PASD1: variants seen among roughly 807,000 people sequenced by gnomAD.
The protein encoded by PASD1 is circadian clock protein PASD1.
Under a neutral mutation model 58.8 loss-of-function variants are expected in PASD1, and 13 were observed. The ratio of observed to expected loss-of-function variants is 0.22; its 90% CI spans 0.14 to 0.35. The LOEUF (loss-of-function observed/expected upper bound fraction) is 0.35. Among genes scored for constraint, PASD1 ranks in the 10% least tolerant of loss-of-function variants. PASD1 has a pLI of 1.00. For synonymous variants in PASD1, 236 were observed against 216.7 expected (o/e 1.09, Z -0.78); for missense variants, 734 against 568.3 (o/e 1.29, Z -2.96).
At chrX:151,657,742 T>C (rs1363470453) in intron 9 of PASD1, among the ~76,000 whole-genome samples, 1 of 111,468 alleles carries the variant, frequency 9.0e-6, no homozygotes, top group Non-Finnish European at 1.9e-5. Context: ...TGTTAGATTC[T>C]TCTCTCTTTT....
chrX:151,650,934 G>A (rs1413249545), intron 9 of PASD1, among the ~76,000 whole-genome samples: 1 of 111,497 alleles, frequency 9.0e-6, no homozygotes, highest in African/African-American at 3.3e-5. Context: ...AGAGAAGAGA[G>A]AGCTGCATGG....
rs977493196 is a variant in PASD1 at position 151,621,555 on chromosome X, C to T, written c.381C>T (p.Asn127=). Residue 127 remains asparagine, a synonymous_variant, in exon 6 of 16, where the codon AAC becomes AAT. Coordinates refer to ENST00000370357, the MANE Select transcript of PASD1 (RefSeq NM_173493.3). ...ATGGTGATAGTTCTGCTTACGAAAA[C>T]GTGAAATTTATTGTGAATGTAAGAG... ...VEHGDSSAYE[N]VKFIVNVRDI... The T allele has an allele frequency of 1.2e-5, 14 of 1,202,310 alleles. No homozygotes were observed. The African/African-American group carries it at 1.6e-4, about 14-fold the overall frequency.
chrX:151,616,937 T>C (rs2013644710), intron 4 of PASD1, among the ~76,000 whole-genome samples: 1 of 111,511 alleles, frequency 9.0e-6, no homozygotes, highest in Admixed American at 9.6e-5. Context: ...AATAGTTTTC[T>C]AATGCATGTA....
intron 1 of PASD1, among the ~76,000 whole-genome samples, chrX:151,569,505 G>A (rs12008310): frequency 0.047 from 5,315 of 111,900 alleles, 114 homozygotes; most frequent in African/African-American, 0.084. Flanking sequence ...AATTCACAAA[G>A]TCAATCAACA....
chrX:151,602,244 T>C (rs1022553888), intron 2 of PASD1, among the ~76,000 whole-genome samples: 4 of 112,077 alleles, frequency 3.6e-5, no homozygotes, highest in African/African-American at 9.7e-5. Context: ...TGAAATCTTA[T>C]ATCCTTTGTC....
chrX:151,617,685 C>A (rs540293974), intron 4 of PASD1, among the ~76,000 whole-genome samples: 1 of 111,942 alleles, frequency 8.9e-6, no homozygotes, highest in African/African-American at 3.2e-5. Flanking sequence ...AATACAGGAA[C>A]TGGTCCAGTA....
chrX:151,564,320 G>A (rs1225771478), intron 1 of PASD1, among the ~76,000 whole-genome samples: 1 of 112,133 alleles, frequency 8.9e-6, no homozygotes, highest in Non-Finnish European at 1.9e-5. Flanking sequence ...CGAGAGGTTT[G>A]CCTGGTTTTC....
intron 10 of PASD1, among the ~76,000 whole-genome samples, chrX:151,660,893 C>T (rs2014300581): frequency 8.9e-6 from 1 of 112,223 alleles, no homozygotes; most frequent in Non-Finnish European, 1.9e-5. Flanking sequence ...GTGGCTCATG[C>T]CTGTAATCCC....
intron 8 of PASD1, among the ~76,000 whole-genome samples, chrX:151,638,869 A>T (rs181843682): frequency 7.4e-4 from 82 of 111,273 alleles, no homozygotes; most frequent in African/African-American, 2.5e-3. Flanking sequence ...ATAAGGTGTG[A>T]GATTTAGGTC....
intron 13 of PASD1, 87 bp downstream of exon 13, chrX:151,671,866 A>G: frequency 1.0e-6 from 1 of 982,877 alleles, no homozygotes; most frequent in South Asian, 2.2e-5. Flanking sequence ...CTTAGGGGGT[A>G]GTGACTATCC....
At chrX:151,653,862 C>CTTT (rs2014190093) in intron 9 of PASD1, among the ~76,000 whole-genome samples, 7 of 37,107 alleles carry the variant, frequency 1.9e-4, no homozygotes, top group African/African-American at 5.5e-4. Flanking sequence ...CTCCCTCCCT[C>CTTT]CCTCCCTCTT....
chrX:151,671,647 G>T lies in PASD1; in HGVS notation c.1305G>T (p.Gln435His). Residue 435 changes from glutamine to histidine, a missense_variant, in exon 13 of 16, where the codon CAG becomes CAT. By Grantham distance (24) the Gln-to-His change is conservative. Transcript: ENST00000370357. ...CGGAGGCAGTGCCCAAGAAACAACA[G>T]AAACAACACGCTGGGCAAGTGAAGC... ...QSSEAVPKKQ[Q>H]KQHAGQVKRP... 1 of 1,211,505 alleles carries T rather than the reference G, an allele frequency of 8.3e-7. No individual in the cohort carries two copies. The highest frequency in any genetic ancestry group is 1.1e-6 in the Non-Finnish European group (1 of 895,090).
intron 8 of PASD1, among the ~76,000 whole-genome samples, chrX:151,629,357 A>G (rs964316398): frequency 9.0e-6 from 1 of 111,054 alleles, no homozygotes; most frequent in East Asian, 2.9e-4. Context: ...TGACCTCATG[A>G]TCCGCCCGCC....
At chrX:151,666,949 G>A (rs1423643062) in intron 11 of PASD1, among the ~76,000 whole-genome samples, 4 of 108,540 alleles carry the variant, frequency 3.7e-5, no homozygotes, top group Non-Finnish European at 7.6e-5. Context: ...AGATCCTTGA[G>A]GAATTGCCAC....
At chrX:151,651,438 G>T (rs764292889) in intron 9 of PASD1, among the ~76,000 whole-genome samples, 2 of 111,844 alleles carry the variant, frequency 1.8e-5, no homozygotes, top group East Asian at 5.7e-4. Flanking sequence ...GGCAGGTGGG[G>T]TGGGATCTTC....
At chrX:151,664,732 C>T (rs1200642256) in intron 11 of PASD1, among the ~76,000 whole-genome samples, 2 of 111,997 alleles carry the variant, frequency 1.8e-5, no homozygotes, top group African/African-American at 3.2e-5. Flanking sequence ...GGGAAGACAA[C>T]TTTCTGGCCT....
Position 151,606,280 on chromosome X carries a change from C to CT in PASD1, c.117+1547dup, listed in dbSNP as rs770820390. Among the ~76,000 whole-genome samples, 5 of 112,271 alleles carry CT rather than the reference C, an allele frequency of 4.5e-5. No individual in the cohort carries two copies. In the Admixed American group the frequency reaches 4.7e-4, roughly 11 times the overall value. The stretch of plus-strand genomic sequence containing the variant: ...CAGGGAGATGGAAACATCAGGGAAT[C>CT]TGAGAAGAGGGACAGTAGAGGGCTC... On this transcript the variant is annotated intron_variant, in intron 3 of 15. Transcript: ENST00000370357.
chrX:151,611,008 C>T (rs2013550276), intron 3 of PASD1, among the ~76,000 whole-genome samples: 1 of 111,132 alleles, frequency 9.0e-6, no homozygotes, highest in South Asian at 3.9e-4. Context: ...CTCGGCTTTG[C>T]TTTTGTCCCC....
chrX:151,587,225 CT>C lies in PASD1; in HGVS notation c.-27-14285del, dbSNP rs33922090. On this transcript the variant is annotated intron_variant, in intron 1 of 15. Coordinates refer to ENST00000370357, the MANE Select transcript of PASD1 (RefSeq NM_173493.3). ...TGTTTCTTTACAGATCTGGGTTTGC[CT>C]TTTTTTTTTTTTTTTTGTACCTATC... is the stretch of plus-strand genomic sequence containing the variant. Among the ~76,000 whole-genome samples the C allele has an allele frequency of 6.9e-3, 567 of 82,436 alleles. 2 individuals carry two copies. Among genetic ancestry groups the C allele is most frequent in the African/African-American group, 0.021 (487 of 22,652 alleles). 71.6% of individuals were successfully genotyped at this position (82,436 alleles called of 115,157 possible).
Sources: gnomAD v4.1 joint callset for allele counts (sites outside exome capture counted in the v4.1 genomes callset) on GRCh38, gnomAD v4.1.1 for gene constraint, MANE v1.5 for transcripts, NCBI Gene and HGNC (gene_info 2026-07-23, HGNC 2026-07-21) for gene names.